LINGO2: variants seen among roughly 807,000 people sequenced by gnomAD.
LINGO2 encodes the protein leucine-rich repeat and immunoglobulin-like domain-containing nogo receptor-interacting protein 2.
A neutral mutation model predicts 30.6 loss-of-function variants in LINGO2; 14 were observed. That is an observed-to-expected ratio of 0.46 (90% CI 0.30 to 0.72). The LOEUF is 0.72. Among genes scored for constraint, LINGO2 ranks in the 30% least tolerant of loss-of-function variants. The pLI, the probability that LINGO2 is intolerant of heterozygous loss-of-function variation, is 0.07. For missense variants in LINGO2, 729 were observed against 751.7 expected, an observed-to-expected ratio of 0.97 and a Z score of 0.35; for synonymous variants, 317 against 288.5, an observed-to-expected ratio of 1.10 and a Z score of -1.00.
the LINGO2 span, among the ~76,000 whole-genome samples, chr9:28,680,609 C>T: frequency 6.6e-6 from 1 of 152,066 alleles, no homozygotes; most frequent in Non-Finnish European, 1.5e-5. Flanking sequence ...TCTCCACAAC[C>T]TCTTCAACAC....
At chr9:28,885,360 T>TACACACAC in the LINGO2 span, among the ~76,000 whole-genome samples, 7,246 of 144,052 alleles carry the variant, frequency 0.05, 238 homozygotes, top group East Asian at 0.11. Flanking sequence ...TATATATATA[T>TACACACAC]ACACACACAC....
chr9:28,760,814 C>G, the LINGO2 span, among the ~76,000 whole-genome samples: 1 of 151,826 alleles, frequency 6.6e-6, no homozygotes. Context: ...TCATCCACAT[C>G]ACTGCAAATG....
Position 28,406,157 on chromosome 9 carries a change from G to A in LINGO2, c.-278-33289C>T, listed in dbSNP as rs970138377. ...TACATTCGAGATTTCTGGAATGTGC[G>A]GCTGGGTGCGGTGGCTCATGCCTGT... On this transcript the variant is annotated intron_variant, in intron 2 of 5. Transcript: ENST00000379992. Among the ~76,000 whole-genome samples, 6 of 152,082 alleles carry A rather than the reference G, an allele frequency of 3.9e-5. No individual in the cohort carries two copies. The South Asian group carries it at 6.2e-4, about 16-fold the overall frequency.
In LINGO2 at chr9:28,657,991, A is replaced by T. The variant is rs58893774; in HGVS notation, c.-365+12209T>A. On this transcript the variant is annotated intron_variant, in intron 1 of 5. Coordinates refer to ENST00000379992, the Ensembl canonical transcript of LINGO2. ...GATATTTTTTCCAATTTCCTCTGTG[A>T]CTCCTTCTTTTTCCCATTGGTGGTT... 8.5e-3 allele frequency among the ~76,000 whole-genome samples: 1,277 copies of T among 150,666 alleles called. 29 individuals are homozygous for T. The highest frequency in any genetic ancestry group is 0.036 in the East Asian group (187 of 5,134).
At chr9:28,500,556 A>T (rs7020904) in intron 1 of LINGO2, among the ~76,000 whole-genome samples, 2 of 152,276 alleles carry the variant, frequency 1.3e-5, no homozygotes, top group South Asian at 4.1e-4. Context: ...ATTGATTGAA[A>T]AATTGAGGCA....
chr9:28,810,917 T>C, the LINGO2 span, among the ~76,000 whole-genome samples: 1 of 152,142 alleles, frequency 6.6e-6, no homozygotes, highest in Non-Finnish European at 1.5e-5. Flanking sequence ...GGGCTTTGTG[T>C]TTGTTCTTCA....
At chr9:28,181,119 C>T (rs927797059) in intron 4 of LINGO2, among the ~76,000 whole-genome samples, 1 of 152,098 alleles carries the variant, frequency 6.6e-6, no homozygotes, top group Non-Finnish European at 1.5e-5. Flanking sequence ...ATGAATGGGG[C>T]TGAAGGGAGA....
chr9:27,963,325 T>C (rs1488389921), intron 5 of LINGO2, among the ~76,000 whole-genome samples: 3 of 152,260 alleles, frequency 2.0e-5, no homozygotes, highest in South Asian at 2.1e-4. Context: ...ATATATTTCC[T>C]CTGCAATAGG....
intron 1 of LINGO2, among the ~76,000 whole-genome samples, chr9:28,669,527 T>A (rs1828935045): frequency 6.6e-6 from 1 of 152,060 alleles, no homozygotes; most frequent in Non-Finnish European, 1.5e-5. Flanking sequence ...AATGCCACAA[T>A]ATAGTTTCCA....
the LINGO2 span, among the ~76,000 whole-genome samples, chr9:28,778,017 C>A: frequency 1.3e-5 from 2 of 152,046 alleles, no homozygotes; most frequent in Non-Finnish European, 2.9e-5. Flanking sequence ...AGTGCATAGT[C>A]CATGTGGGTC....
intron 4 of LINGO2, among the ~76,000 whole-genome samples, chr9:28,228,986 T>G (rs1204894592): frequency 6.6e-6 from 1 of 151,774 alleles, no homozygotes; most frequent in Non-Finnish European, 1.5e-5. Flanking sequence ...CAGGTTGTAC[T>G]CATATAAGCA....
chr9:28,714,180 T>C, the LINGO2 span, among the ~76,000 whole-genome samples: 1 of 91,346 alleles, frequency 1.1e-5, no homozygotes, highest in African/African-American at 6.3e-5. Flanking sequence ...TATATATATA[T>C]ATATATATAC....
intron 4 of LINGO2, among the ~76,000 whole-genome samples, chr9:28,257,702 A>G (rs1224353353): frequency 1.3e-5 from 2 of 151,884 alleles, no homozygotes; most frequent in Admixed American, 6.6e-5. Context: ...TTGCCTTTCT[A>G]TCTTATCCTA....
the LINGO2 span, among the ~76,000 whole-genome samples, chr9:28,999,178 G>C: frequency 6.6e-6 from 1 of 152,176 alleles, no homozygotes; most frequent in Non-Finnish European, 1.5e-5. Context: ...TGTACACATG[G>C]TTTTAATGAC....
the LINGO2 span, among the ~76,000 whole-genome samples, chr9:29,014,314 A>AGTTAACCATCAT: frequency 6.6e-6 from 1 of 152,192 alleles, no homozygotes; most frequent in South Asian, 2.1e-4. Context: ...GACTCCTCAA[A>AGTTAACCATCAT]GTTAACCATC....
At chr9:28,077,566 ATT>A (rs1825662087) in intron 4 of LINGO2, among the ~76,000 whole-genome samples, 2 of 135,252 alleles carry the variant, frequency 1.5e-5, no homozygotes, top group African/African-American at 7.7e-5. Context: ...CATCAAAACT[ATT>A]ATCTTATTTT....
chr9:28,528,545 C>T (rs1298676757), intron 1 of LINGO2, among the ~76,000 whole-genome samples: 2 of 152,130 alleles, frequency 1.3e-5, no homozygotes, highest in Non-Finnish European at 2.9e-5. Flanking sequence ...TTCAGTCATG[C>T]TCTCTAATTG....
intron 1 of LINGO2, among the ~76,000 whole-genome samples, chr9:28,659,503 A>C (rs1423994858): frequency 4.6e-5 from 7 of 151,464 alleles, no homozygotes; most frequent in Admixed American, 6.6e-5. Context: ...GCTGGAGTGC[A>C]ATGACACAAT....
the LINGO2 span, among the ~76,000 whole-genome samples, chr9:28,736,697 C>A: frequency 1.3e-5 from 2 of 152,010 alleles, no homozygotes; most frequent in Non-Finnish European, 1.5e-5. Context: ...GGGGCTGAGG[C>A]AGGAGAAATG....
Sources: gnomAD v4.1 joint callset for allele counts (sites outside exome capture counted in the v4.1 genomes callset) on GRCh38, gnomAD v4.1.1 for gene constraint, MANE v1.5 for transcripts, NCBI Gene and HGNC (gene_info 2026-07-23, HGNC 2026-07-21) for gene names.